Variants in KLHDC4 observed in about 807,000 individuals in gnomAD.
The protein encoded by KLHDC4 is kelch domain-containing protein 4.
In KLHDC4, 90 loss-of-function variants were observed where a neutral mutation model predicts 62.4. The observed-to-expected ratio is 1.44, with a 90% CI of 1.22 to 1.72. The LOEUF (loss-of-function observed/expected upper bound fraction) is 1.72. Among genes scored for constraint, KLHDC4 ranks in the 40% most tolerant of loss-of-function variants. KLHDC4 has a pLI of 0.00. For missense variants in KLHDC4, 1,025 were observed against 699.7 expected, an observed-to-expected ratio of 1.47 and a Z score of -5.25; for synonymous variants, 386 against 284.4, an observed-to-expected ratio of 1.36 and a Z score of -3.59.
At chr16:87,710,263 C>G (rs930362612) in intron 9 of KLHDC4, 2 of 152,734 alleles carry the variant, frequency 1.3e-5, no homozygotes, top group Admixed American at 6.5e-5. Context: ...TCGCAGGGGT[C>G]AGTCTGGACC....
At chr16:87,765,032 T>C (rs1194700174) in intron 1 of KLHDC4, 2 of 435,168 alleles carry the variant, frequency 4.6e-6, no homozygotes, top group Admixed American at 5.0e-5. Flanking sequence ...TTGGTCTTCC[T>C]GTCAAATGGG....
intron 5 of KLHDC4, among the ~76,000 whole-genome samples, chr16:87,745,035 G>A (rs895159670): frequency 1.3e-5 from 2 of 152,240 alleles, no homozygotes; most frequent in African/African-American, 4.8e-5. Flanking sequence ...AGCATATGTT[G>A]TTCTGCATCC....
chr16:87,725,634 G>A (rs1213409341), intron 7 of KLHDC4, among the ~76,000 whole-genome samples: 1 of 152,222 alleles, frequency 6.6e-6, no homozygotes, highest in Non-Finnish European at 1.5e-5. Flanking sequence ...AAATGTAAAG[G>A]TTGGCAGAGT....
Position 87,730,612 on chromosome 16 carries a change from T to C in KLHDC4, c.539A>G (p.His180Arg), listed in dbSNP as rs768300808. 1.2e-6 allele frequency: 2 copies of C among 1,613,496 alleles called. No individual in the cohort carries two copies. The highest frequency in any genetic ancestry group is 1.1e-5 in the South Asian group (1 of 90,906). The part of the protein sequence containing the change: ...STGGPSGRSG[H>R]RMVAWKRQLI... ...TTGTCTCTTCCAGGCCACCATCCGA[T>C]GTCCACTCCGACCCGAAGGACCGCC... The change falls in exon 6 of 12, where the codon CAT becomes CGT. Residue 180 changes from histidine (H) to arginine (R), a missense_variant. Transcript: ENST00000270583.
intron 2 of KLHDC4, among the ~76,000 whole-genome samples, chr16:87,761,325 G>A (rs1028261197): frequency 2.6e-5 from 4 of 152,224 alleles, no homozygotes; most frequent in African/African-American, 4.8e-5. Context: ...CAGCACAATC[G>A]TGACCCTCCA....
At chr16:87,759,626 G>T (rs1385210449) in intron 2 of KLHDC4, among the ~76,000 whole-genome samples, 2 of 151,518 alleles carry the variant, frequency 1.3e-5, no homozygotes, top group Non-Finnish European at 2.9e-5. Context: ...CATGCCTATT[G>T]TCCCAGCTAC....
At chr16:87,741,346 A>C (rs2042213575) in intron 5 of KLHDC4, among the ~76,000 whole-genome samples, 1 of 152,214 alleles carries the variant, frequency 6.6e-6, no homozygotes, top group African/African-American at 2.4e-5. Context: ...ATCAGGTCGC[A>C]CAGCAGGAGG....
chr16:87,726,864 C>G lies in KLHDC4; in HGVS notation c.660G>C (p.Lys220Asn). ...AFNLDTFTWSKLSPSGTGPTP... is the reference protein window; with the variant it reads ...AFNLDTFTWSNLSPSGTGPTP... ...TGGGCCCCGTCCCTGACGGGGACAG[C>G]TTGCTCCATGTGAAGGTGTCCAGAT... The change falls in exon 7 of 12, where the codon AAG becomes AAC. Residue 220 changes from lysine to asparagine, a missense_variant. Lys to Asn is a moderately conservative substitution (Grantham distance 94). Transcript: ENST00000270583. 6.2e-7 allele frequency: 1 copy of G among 1,613,750 alleles called. No homozygotes were observed. Among genetic ancestry groups the G allele is most frequent in the Non-Finnish European group, 8.5e-7 (1 of 1,179,868 alleles).
chr16:87,708,917 A>C (rs1358950540), intron 10 of KLHDC4, among the ~76,000 whole-genome samples: 1 of 152,252 alleles, frequency 6.6e-6, no homozygotes, highest in Admixed American at 6.5e-5. Context: ...GCCCTGGGTC[A>C]GGCAGCAAGG....
chr16:87,732,363 T>C (rs1460401045), intron 5 of KLHDC4, among the ~76,000 whole-genome samples: 1 of 152,198 alleles, frequency 6.6e-6, no homozygotes, highest in African/African-American at 2.4e-5. Flanking sequence ...CCCAAAGTGC[T>C]GGGATTACAG....
downstream of KLHDC4, chr16:87,703,125 T>C (rs1361486334): frequency 6.6e-6 from 1 of 152,216 alleles, no homozygotes; most frequent in Non-Finnish European, 1.5e-5. Context: ...AGCTGCGCAA[T>C]GGATGTGTGG....
At chr16:87,729,259 C>CA (rs1396492459) in intron 6 of KLHDC4, 1 of 152,176 alleles carries the variant, frequency 6.6e-6, no homozygotes, top group Admixed American at 6.5e-5. Context: ...GGAGGCTGTA[C>CA]AGACTTATCA....
intron 4 of KLHDC4, among the ~76,000 whole-genome samples, chr16:87,749,314 G>A (rs917784127): frequency 5.3e-5 from 8 of 152,024 alleles, no homozygotes; most frequent in African/African-American, 1.7e-4. Context: ...CCAGCACTTC[G>A]GGAGGCTGAG....
chr16:87,735,251 G>T (rs1399490657), intron 5 of KLHDC4, among the ~76,000 whole-genome samples: 1 of 147,340 alleles, frequency 6.8e-6, no homozygotes, highest in Admixed American at 6.9e-5. Context: ...AGTGAGCAGA[G>T]ATCGCACCAC....
At chr16:87,699,295 C>G (rs1415340783) in exon 1 of KLHDC4, 1 of 152,246 alleles carries the variant, frequency 6.6e-6, no homozygotes, top group Non-Finnish European at 1.5e-5. Context: ...GTCTCTTTAT[C>G]CATTCTTTTG....
In KLHDC4 at chr16:87,708,477, A is replaced by C; in HGVS notation, c.1448-11T>G. ...GCCACTCCTGAGTTTCTTCAAAAGC[A>C]GAATGAACGCACATACACGTCAGCG... On this transcript the variant is annotated splice_polypyrimidine_tract_variant and intron_variant, in intron 10 of 11. Coordinates refer to ENST00000270583, the MANE Select transcript of KLHDC4 (RefSeq NM_017566.4). 6.3e-7 allele frequency: 1 copy of C among 1,592,478 alleles called. No individual in the cohort carries two copies. Among genetic ancestry groups the C allele is most frequent in the Non-Finnish European group, 8.6e-7 (1 of 1,166,948 alleles).
At position 87,700,615 on chromosome 16, in the gene KLHDC4, CAG is replaced by C. The variant is rs1257750905; in HGVS notation, c.*1022_*1023del. ...GGAGAGAAGAGGTGGAGGGAGGAAA[CAG>C]GGTGGAGGGAGGAGGGAGAACGCTG... is the stretch of plus-strand genomic sequence containing the variant. On this transcript the variant is annotated 3_prime_UTR_variant, in exon 1 of 1. Transcript: ENST00000446344. 2.0e-4 allele frequency: 30 copies of C among 153,002 alleles called. 1 individual carries two copies. The highest frequency in any genetic ancestry group is 9.9e-4 in the East Asian group (4 of 4,054). The allele number at this position is 153,002 out of a possible 1,614,324, so 9.5% of individuals were successfully genotyped here.
intron 7 of KLHDC4, among the ~76,000 whole-genome samples, chr16:87,717,194 G>A (rs918550341): frequency 6.6e-6 from 1 of 152,202 alleles, no homozygotes; most frequent in Admixed American, 6.5e-5. Context: ...TCATGCCACT[G>A]CACTCCAGCC....
At chr16:87,761,343 T>A (rs1364928748) in intron 2 of KLHDC4, among the ~76,000 whole-genome samples, 2 of 152,210 alleles carry the variant, frequency 1.3e-5, no homozygotes, top group Non-Finnish European at 2.9e-5. Flanking sequence ...CCACTCCCGA[T>A]GGGCTGAACC....
Sources: gnomAD v4.1 joint callset for allele counts (sites outside exome capture counted in the v4.1 genomes callset) on GRCh38, gnomAD v4.1.1 for gene constraint, MANE v1.5 for transcripts, NCBI Gene and HGNC (gene_info 2026-07-23, HGNC 2026-07-21) for gene names.